The following THSD4 variants were observed in gnomAD, a reference collection of about 807,000 sequenced individuals.
The protein encoded by THSD4 is thrombospondin type-1 domain-containing protein 4.
In THSD4, 69 loss-of-function variants were observed where a neutral mutation model predicts 119.0. The ratio of observed to expected loss-of-function variants is 0.58; its 90% confidence interval spans 0.48 to 0.71. THSD4 has a LOEUF of 0.71. Among genes scored for constraint, THSD4 ranks in the 30% least tolerant of loss-of-function variants. The pLI is 0.00. For synonymous variants in THSD4, 524 were observed against 540.4 expected, an observed-to-expected ratio of 0.97 and a Z score of 0.42; for missense variants, 1,393 against 1,391.1, an observed-to-expected ratio of 1.00 and a Z score of -0.02.
In THSD4 at chr15:71,532,283, A is replaced by AGAGAGAGTGT. The variant is rs1379506089; in HGVS notation, c.1152+120461_1152+120462insAGAGAGTGTG. On this transcript the variant is annotated intron_variant, in intron 7 of 17. Coordinates refer to ENST00000261862, the MANE Select transcript of THSD4 (RefSeq NM_024817.3). Reference sequence around the variant, plus strand: ...AAGGGTGAGAGAGAGAGAGAGAGAGAGTGTGTGTGTGTGTGTGTGTGTGTG... The same window carrying AGAGAGAGTGT: ...AAGGGTGAGAGAGAGAGAGAGAGAGAGAGAGAGTGTGTGTGTGTGTGTGTGTGTGTGTGTG... Among the ~76,000 whole-genome samples the AGAGAGAGTGT allele has an allele frequency of 1.8e-3, 186 of 101,638 alleles. 1 individual carries two copies. The highest frequency in any genetic ancestry group is 4.1e-3 in the South Asian group (10 of 2,464). 66.7% of individuals were successfully genotyped at this position (101,638 alleles called of 152,430 possible). A position where few individuals can be genotyped will look rare whatever the true frequency, so the allele number is the denominator to read the frequency against.
At chr15:71,271,055 G>A (rs1363989153) in intron 6 of THSD4, among the ~76,000 whole-genome samples, 1 of 152,082 alleles carries the variant, frequency 6.6e-6, no homozygotes, top group African/African-American at 2.4e-5. Context: ...CCTGTAGAAT[G>A]TGTATTATTG....
intron 6 of THSD4, among the ~76,000 whole-genome samples, chr15:71,389,813 T>TTTTTTTTTTTTTG (rs2046350444): frequency 4.0e-5 from 5 of 124,052 alleles, no homozygotes; most frequent in Non-Finnish European, 8.7e-5. Context: ...CTGGGTTGTT[T>TTTTTTTTTTTTTG]TTTTTTTTTT....
chr15:71,642,038 G>T (rs117346385), intron 7 of THSD4, among the ~76,000 whole-genome samples: 3 of 152,198 alleles, frequency 2.0e-5, no homozygotes, highest in African/African-American at 7.2e-5. Context: ...AGGGCAGAAC[G>T]TGGAGCAATG....
At chr15:71,350,694 A>C (rs1256619856) in intron 6 of THSD4, among the ~76,000 whole-genome samples, 1 of 152,134 alleles carries the variant, frequency 6.6e-6, no homozygotes, top group Admixed American at 6.6e-5. Flanking sequence ...TGTCCATGGA[A>C]GTTTAGGAGG....
At chr15:71,154,552 C>T (rs527955276) in intron 2 of THSD4, among the ~76,000 whole-genome samples, 75 of 152,306 alleles carry the variant, frequency 4.9e-4, no homozygotes, top group African/African-American at 1.7e-3. Flanking sequence ...AGCCAGTTCC[C>T]GTTGTCATCC....
intron 6 of THSD4, among the ~76,000 whole-genome samples, chr15:71,262,299 G>A (rs1225503669): frequency 6.6e-6 from 1 of 152,162 alleles, no homozygotes; most frequent in East Asian, 1.9e-4. Flanking sequence ...TGTAAAGATG[G>A]CAAAAGTGGA....
chr15:71,299,557 T>C (rs1395629565), intron 6 of THSD4, among the ~76,000 whole-genome samples: 2 of 152,172 alleles, frequency 1.3e-5, no homozygotes, highest in Non-Finnish European at 2.9e-5. Flanking sequence ...GTGGCTATAA[T>C]GGGGAAGAGG....
At chr15:71,716,736 C>T (rs1278742994) in intron 8 of THSD4, among the ~76,000 whole-genome samples, 1 of 152,120 alleles carries the variant, frequency 6.6e-6, no homozygotes, top group African/African-American at 2.4e-5. Context: ...ACCCGACTTC[C>T]AGGGCCTTTT....
At chr15:71,247,997 CTT>C (rs1483194463) in intron 5 of THSD4, among the ~76,000 whole-genome samples, 1 of 152,142 alleles carries the variant, frequency 6.6e-6, no homozygotes, top group African/African-American at 2.4e-5. Flanking sequence ...CTCAGTTGGG[CTT>C]GATTGGCTCA....
chr15:71,268,348 G>C (rs1481346432), intron 6 of THSD4, among the ~76,000 whole-genome samples: 1 of 152,150 alleles, frequency 6.6e-6, no homozygotes, highest in Non-Finnish European at 1.5e-5. Context: ...ACCTTCTCCT[G>C]AATAACTACT....
chr15:71,214,944 G>C, intron 3 of THSD4, 91 bp from the exon 4 acceptor site: 1 of 1,210,144 alleles, frequency 8.3e-7, no homozygotes, highest in South Asian at 4.2e-5. Context: ...GTGCCTACTT[G>C]TGCCTGATGG....
intron 6 of THSD4, among the ~76,000 whole-genome samples, chr15:71,303,624 C>T (rs997239742): frequency 6.6e-6 from 1 of 152,092 alleles, no homozygotes; most frequent in Non-Finnish European, 1.5e-5. Context: ...CCAGTTTTCC[C>T]AGCTTACTAT....
Position 71,215,301 on chromosome 15 carries a change from A to G in THSD4, c.366A>G (p.Pro122=). The change falls in exon 4 of 18, where the codon CCA becomes CCG. Residue 122 remains proline, a synonymous_variant. Transcript: ENST00000261862. The part of the protein sequence containing the change: ...VPLHRSRDET[P]ALAGTDASRQ... ...TGCACCGGAGCCGCGACGAGACGCC[A>G]GCGCTGGCCGGTACGGACGCCAGCC... 1 of 1,524,898 alleles carries G rather than the reference A, an allele frequency of 6.6e-7. No homozygotes were observed. The highest frequency in any genetic ancestry group is 8.8e-7 in the Non-Finnish European group (1 of 1,142,224). 94.5% of individuals were successfully genotyped at this position (1,524,898 alleles called of 1,614,324 possible). A position where few individuals can be genotyped will look rare whatever the true frequency, so the allele number is the denominator to read the frequency against.
At position 71,437,476 on chromosome 15, in the gene THSD4, T is replaced by G. The variant is rs2047027613; in HGVS notation, c.1152+25653T>G. 3.9e-5 allele frequency among the ~76,000 whole-genome samples: 6 copies of G among 152,326 alleles called. No individual in the cohort carries two copies. The South Asian group carries it at 1.2e-3, about 32-fold the overall frequency. On this transcript the variant is annotated intron_variant, in intron 7 of 17. Coordinates refer to ENST00000261862, the MANE Select transcript of THSD4 (RefSeq NM_024817.3). The stretch of plus-strand genomic sequence containing the variant: ...TCAAGGAAAGGACCAGAGGTAATTG[T>G]TTTCTTCTTTGGCAGGTGTGGACTT...
At chr15:71,323,401 GGAGA>G (rs2045299332) in intron 6 of THSD4, among the ~76,000 whole-genome samples, 1 of 152,222 alleles carries the variant, frequency 6.6e-6, no homozygotes, top group Admixed American at 6.5e-5. Context: ...GCTTAGAAAA[GGAGA>G]AAGAAGGAGC....
intron 7 of THSD4, among the ~76,000 whole-genome samples, chr15:71,583,309 T>C (rs370600596): frequency 1.1e-4 from 16 of 152,302 alleles, no homozygotes; most frequent in African/African-American, 2.6e-4. Flanking sequence ...TCTTTTCTTA[T>C]AGTCTAGCTA....
intron 4 of THSD4, among the ~76,000 whole-genome samples, chr15:71,241,810 C>T (rs964122151): frequency 6.6e-6 from 1 of 152,214 alleles, no homozygotes; most frequent in African/African-American, 2.4e-5. Flanking sequence ...TTGTCCAACC[C>T]ATGGCCCATG....
intron 7 of THSD4, among the ~76,000 whole-genome samples, chr15:71,466,036 A>C (rs1462015671): frequency 6.6e-6 from 1 of 152,062 alleles, no homozygotes; most frequent in East Asian, 1.9e-4. Flanking sequence ...CCCTTCTTTC[A>C]CTTAGACATG....
intron 7 of THSD4, among the ~76,000 whole-genome samples, chr15:71,440,493 A>G (rs1052809106): frequency 1.3e-5 from 2 of 152,162 alleles, no homozygotes; most frequent in African/African-American, 4.8e-5. Context: ...AACTCTTTCT[A>G]TTTTTGGATA....
Sources: allele counts gnomAD v4.1 joint callset (sites outside exome capture counted in the v4.1 genomes callset), GRCh38; gene constraint gnomAD v4.1.1; transcripts MANE v1.5; gene names NCBI Gene and HGNC (gene_info 2026-07-23, HGNC 2026-07-21).